The following PRKG1 variants were observed in gnomAD, a reference collection of about 807,000 sequenced individuals.
The protein encoded by PRKG1 is protein kinase cGMP-dependent 1.
PRKG1 carries 35 observed loss-of-function variants against 88.1 expected under a neutral mutation model. That is an observed-to-expected ratio of 0.40 (90% CI 0.30 to 0.53). PRKG1 has a LOEUF of 0.53. Among genes scored for constraint, PRKG1 ranks in the 20% least tolerant of loss-of-function variants. The pLI, the probability that PRKG1 is intolerant of heterozygous loss-of-function variation, is 0.59. For missense variants in PRKG1, 540 were observed against 839.8 expected (o/e 0.64, Z 4.41); for synonymous variants, 303 against 292.5 (o/e 1.04, Z -0.37).
At position 51,982,991 on chromosome 10, in the gene PRKG1, G is replaced by C. The variant is rs543223012; in HGVS notation, c.763-71493G>C. On this transcript the variant is annotated intron_variant, in intron 5 of 17. Coordinates refer to ENST00000373980, the MANE Select transcript of PRKG1 (RefSeq NM_006258.4). ...TGTGCTGGTGACGGTGTTAATATGGGGATGGGGCACTGGTGGCCTCTTTGT... is the reference window on the plus strand; with the variant it reads ...TGTGCTGGTGACGGTGTTAATATGGCGATGGGGCACTGGTGGCCTCTTTGT... 1.8e-4 allele frequency among the ~76,000 whole-genome samples: 28 copies of C among 152,288 alleles called. 1 individual carries two copies. The highest frequency in any genetic ancestry group is 3.4e-3 in the Middle Eastern group (1 of 294).
At chr10:52,166,821 A>C (rs1340160712) in intron 9 of PRKG1, among the ~76,000 whole-genome samples, 2 of 2,430 alleles carry the variant, frequency 8.2e-4, no homozygotes, top group African/African-American at 1.1e-3. Context: ...ATATATATGT[A>C]TATATATGTA....
chr10:51,527,535 G>GTATATGAGT (rs1414362629), intron 3 of PRKG1, among the ~76,000 whole-genome samples: 1 of 152,144 alleles, frequency 6.6e-6, no homozygotes, highest in African/African-American at 2.4e-5. Context: ...GGAAAAAAAA[G>GTATATGAGT]TATATGAGTA....
intron 5 of PRKG1, among the ~76,000 whole-genome samples, chr10:51,944,056 A>G (rs1441724008): frequency 6.6e-6 from 1 of 152,006 alleles, no homozygotes; most frequent in Non-Finnish European, 1.5e-5. Flanking sequence ...TACCTCTGGT[A>G]GAATTCGGCT....
intron 4 of PRKG1, among the ~76,000 whole-genome samples, chr10:51,831,740 C>T (rs1840010034): frequency 6.6e-6 from 1 of 152,154 alleles, no homozygotes. Flanking sequence ...AATGAGGGCC[C>T]ATCCTCGGCC....
At chr10:51,445,625 T>C (rs1432304585) in intron 2 of PRKG1, among the ~76,000 whole-genome samples, 3 of 151,960 alleles carry the variant, frequency 2.0e-5, no homozygotes, top group African/African-American at 7.2e-5. Flanking sequence ...ATTTTTTCAA[T>C]TTGAATGAAC....
intron 5 of PRKG1, among the ~76,000 whole-genome samples, chr10:51,920,478 C>G (rs576038855): frequency 6.6e-6 from 1 of 152,258 alleles, no homozygotes; most frequent in South Asian, 2.1e-4. Context: ...AATTAACAAT[C>G]TTACAGTGTT....
intron 4 of PRKG1, among the ~76,000 whole-genome samples, chr10:51,880,029 T>A (rs938094807): frequency 2.0e-5 from 3 of 152,234 alleles, no homozygotes; most frequent in African/African-American, 7.2e-5. Flanking sequence ...AGCCTGCACA[T>A]CCATTGGATA....
At chr10:52,174,230 T>G (rs1838793511) in intron 9 of PRKG1, among the ~76,000 whole-genome samples, 1 of 151,958 alleles carries the variant, frequency 6.6e-6, no homozygotes, top group East Asian at 1.9e-4. Context: ...TGCTTTAGTC[T>G]TTATAAGAAT....
intron 5 of PRKG1, among the ~76,000 whole-genome samples, chr10:52,022,984 G>A (rs941495335): frequency 1.6e-4 from 25 of 151,996 alleles, no homozygotes; most frequent in South Asian, 2.1e-4. Context: ...TATTACATAG[G>A]TATACACGTG....
intron 12 of PRKG1, among the ~76,000 whole-genome samples, chr10:52,275,741 A>T (rs1006436657): frequency 1.3e-5 from 2 of 151,792 alleles, no homozygotes; most frequent in Non-Finnish European, 2.9e-5. Context: ...TTTGATAGGG[A>T]TTGCATTGAA....
At chr10:52,154,974 AT>A (rs1048355229) in intron 8 of PRKG1, among the ~76,000 whole-genome samples, 1 of 152,024 alleles carries the variant, frequency 6.6e-6, no homozygotes, top group African/African-American at 2.4e-5. Flanking sequence ...TCATTATTTC[AT>A]TTTTTTATGG....
intron 1 of PRKG1, among the ~76,000 whole-genome samples, chr10:51,038,701 A>G (rs951512420): frequency 6.6e-6 from 1 of 152,178 alleles, no homozygotes; most frequent in South Asian, 2.1e-4. Context: ...CACTGTTTGT[A>G]TATACCACCT....
In PRKG1 at chr10:51,738,607, G is replaced by A. The variant is rs116278570; in HGVS notation, c.593-65978G>A. 1.3e-3 allele frequency among the ~76,000 whole-genome samples: 204 copies of A among 152,242 alleles called. 1 individual carries two copies. Among genetic ancestry groups the A allele is most frequent in the African/African-American group, 4.7e-3 (195 of 41,530 alleles). ...GGGAGGTAGATAGGTTATGAGAGGA[G>A]GAAAGACCTCCTATTAGTCTATATT... is the stretch of plus-strand genomic sequence containing the variant. On this transcript the variant is annotated intron_variant, in intron 3 of 17. Transcript: ENST00000373980.
intron 2 of PRKG1, among the ~76,000 whole-genome samples, chr10:51,334,802 G>T (rs1291425730): frequency 6.6e-6 from 1 of 152,100 alleles, no homozygotes; most frequent in Non-Finnish European, 1.5e-5. Context: ...CAGGAGCATG[G>T]TGACTAAAGG....
chr10:51,165,518 A>C (rs549540697), intron 2 of PRKG1, among the ~76,000 whole-genome samples: 41 of 152,312 alleles, frequency 2.7e-4, no homozygotes, highest in African/African-American at 7.2e-4. Flanking sequence ...TAACATCATA[A>C]TGACAGGATC....
chr10:52,168,706 TAA>T (rs372980890), intron 9 of PRKG1, among the ~76,000 whole-genome samples: 2 of 139,808 alleles, frequency 1.4e-5, no homozygotes, highest in Non-Finnish European at 3.1e-5. Context: ...CAATGTGATT[TAA>T]AAAAAAAAAA....
chr10:51,008,377 C>T (rs1004297973), intron 1 of PRKG1, among the ~76,000 whole-genome samples: 1 of 152,128 alleles, frequency 6.6e-6, no homozygotes, highest in Non-Finnish European at 1.5e-5. Flanking sequence ...TGGCTTCAAG[C>T]AACAGAAATT....
intron 2 of PRKG1, among the ~76,000 whole-genome samples, chr10:51,159,782 G>A (rs1846314649): frequency 6.6e-6 from 1 of 152,126 alleles, no homozygotes; most frequent in African/African-American, 2.4e-5. Flanking sequence ...AGGAAGAAAG[G>A]ATGACTGTTT....
chr10:51,758,560 G>T (rs773947432), intron 3 of PRKG1, among the ~76,000 whole-genome samples: 3 of 152,128 alleles, frequency 2.0e-5, no homozygotes, highest in Non-Finnish European at 2.9e-5. Flanking sequence ...AAGCAAACTA[G>T]TCTTGGTTTT....
Sources: gnomAD v4.1 joint callset for allele counts (sites outside exome capture counted in the v4.1 genomes callset) on GRCh38, gnomAD v4.1.1 for gene constraint, MANE v1.5 for transcripts, NCBI Gene and HGNC (gene_info 2026-07-23, HGNC 2026-07-21) for gene names.